The following FRY variants were observed in gnomAD, a reference collection of about 807,000 sequenced individuals.
FRY encodes protein furry homolog.
A neutral mutation model predicts 348.4 loss-of-function variants in FRY; 128 were observed. The observed-to-expected ratio is 0.37, with a 90% CI of 0.32 to 0.43. The LOEUF (loss-of-function observed/expected upper bound fraction) is 0.43. FRY is among the 20% of genes least tolerant of loss of function. The probability of loss-of-function intolerance (pLI) is 1.00; values close to 1 mark genes in which losing one functional copy is unlikely to be tolerated. For synonymous variants in FRY, 1,370 were observed against 1,374.7 expected (o/e 1.00, Z 0.08); for missense variants, 2,736 against 3,695.2 (o/e 0.74, Z 6.73).
At chr13:32,161,606 A>G (rs1367792372) in intron 17 of FRY, among the ~76,000 whole-genome samples, 1 of 152,156 alleles carries the variant, frequency 6.6e-6, no homozygotes, top group Non-Finnish European at 1.5e-5. Context: ...TCTCGAAGGG[A>G]AGGTAGAGTT....
intron 1 of FRY, among the ~76,000 whole-genome samples, chr13:32,038,830 G>A (rs1364886747): frequency 6.6e-6 from 1 of 152,170 alleles, no homozygotes; most frequent in Non-Finnish European, 1.5e-5. Context: ...AACAGTGTCA[G>A]AGAAGCAAGG....
intron 48 of FRY, among the ~76,000 whole-genome samples, chr13:32,247,768 C>T (rs765842000): frequency 2.6e-5 from 4 of 152,156 alleles, no homozygotes; most frequent in Non-Finnish European, 5.9e-5. Flanking sequence ...ATGGAACGAT[C>T]ATAAGCATTT....
At chr13:32,051,655 GCTTTT>G (rs1873337677) in intron 1 of FRY, among the ~76,000 whole-genome samples, 1 of 152,188 alleles carries the variant, frequency 6.6e-6, no homozygotes, top group Admixed American at 6.5e-5. Flanking sequence ...AATTTTACCA[GCTTTT>G]CTTCTCACAT....
chr13:32,272,612 T>G (rs914439936), intron 55 of FRY, among the ~76,000 whole-genome samples: 2 of 152,212 alleles, frequency 1.3e-5, no homozygotes, highest in East Asian at 1.9e-4. Flanking sequence ...GAGCCATGTT[T>G]GTGCCACTGT....
chr13:32,131,953 C>A, intron 8 of FRY, 113 bp downstream of exon 8: 1 of 838,696 alleles, frequency 1.2e-6, no homozygotes, highest in East Asian at 2.4e-5. Context: ...GAGAAACATT[C>A]TACTGTCTAA....
chr13:32,089,973 G>C (rs1876154667), intron 2 of FRY, among the ~76,000 whole-genome samples: 1 of 152,244 alleles, frequency 6.6e-6, no homozygotes, highest in Non-Finnish European at 1.5e-5. Flanking sequence ...GCAAGTAGTT[G>C]AAGACATTTT....
chr13:32,165,721 C>T (rs1881696790), intron 17 of FRY, among the ~76,000 whole-genome samples: 3 of 152,138 alleles, frequency 2.0e-5, no homozygotes, highest in African/African-American at 7.2e-5. Flanking sequence ...TTGAAATCAC[C>T]CCTTTTCTTT....
intron 29 of FRY, among the ~76,000 whole-genome samples, chr13:32,200,793 C>T (rs773949682): frequency 6.6e-6 from 1 of 152,092 alleles, no homozygotes; most frequent in Non-Finnish European, 1.5e-5. Context: ...TGTTCCTCTC[C>T]CCCCATCCCA....
chr13:32,130,849 G>C (rs1365107582), intron 7 of FRY, among the ~76,000 whole-genome samples: 2 of 146,514 alleles, frequency 1.4e-5, no homozygotes, highest in African/African-American at 5.1e-5. Context: ...GAGTTTCGCT[G>C]TTGTTGCCCA....
intron 1 of FRY, among the ~76,000 whole-genome samples, chr13:32,038,990 A>G (rs1464262646): frequency 6.6e-6 from 1 of 152,196 alleles, no homozygotes; most frequent in Non-Finnish European, 1.5e-5. Flanking sequence ...ATTCAGTTAC[A>G]TTAATGCAGA....
chr13:32,039,285 G>A (rs1288582178), intron 1 of FRY, among the ~76,000 whole-genome samples: 2 of 152,166 alleles, frequency 1.3e-5, no homozygotes, highest in Non-Finnish European at 2.9e-5. Flanking sequence ...GGGGCAGCAA[G>A]CATTTCAGAC....
At chr13:32,251,782 T>C (rs2138510668) in intron 49 of FRY, 96 bp from the exon 50 acceptor site, 1 of 792,494 alleles carries the variant, frequency 1.3e-6, no homozygotes, top group African/African-American at 1.7e-5. Context: ...GTCTATACGT[T>C]AAGTGCTATT....
chr13:32,037,140 C>T lies in FRY; in HGVS notation c.70+5275C>T, dbSNP rs530257214. Among the ~76,000 whole-genome samples the T allele has an allele frequency of 9.9e-5, 15 of 151,902 alleles. No homozygotes were observed. In the East Asian group the frequency reaches 1.9e-3, roughly 20 times the overall value. ...ACCTTAAGTGTTCACAAGTCTTTTC[C>T]GTCTATTGCAAACAATACATAGACA... On this transcript the variant is annotated intron_variant, in intron 1 of 60. Coordinates refer to ENST00000542859, the MANE Select transcript of FRY (RefSeq NM_023037.3).
At chr13:32,156,601 C>CAAA (rs60522324) in intron 15 of FRY, among the ~76,000 whole-genome samples, 2 of 112,404 alleles carry the variant, frequency 1.8e-5, no homozygotes, top group Admixed American at 9.3e-5. Context: ...AGCTCCATCT[C>CAAA]AAAAAAAAAA....
At chr13:32,228,080 A>G (rs7331864) in intron 39 of FRY, among the ~76,000 whole-genome samples, 3,715 of 152,312 alleles carry the variant, frequency 0.024, 131 homozygotes, top group African/African-American at 0.084. Flanking sequence ...ACTAATACCC[A>G]GGAATAATTT....
chr13:32,179,093 A>G, intron 22 of FRY, 60 bp downstream of exon 22: 2 of 1,338,246 alleles, frequency 1.5e-6, no homozygotes, highest in Non-Finnish European at 1.1e-6. Context: ...TTGTTTGTCT[A>G]GAGTTCACAG....
At chr13:32,097,357 T>A (rs1277600302) in intron 2 of FRY, among the ~76,000 whole-genome samples, 1 of 141,174 alleles carries the variant, frequency 7.1e-6, no homozygotes, top group African/African-American at 2.6e-5. Context: ...CAGAACCTTT[T>A]TTTCCTTTTT....
intron 53 of FRY, among the ~76,000 whole-genome samples, chr13:32,265,098 G>GT (rs1332473597): frequency 6.6e-6 from 1 of 152,184 alleles, no homozygotes; most frequent in Non-Finnish European, 1.5e-5. Flanking sequence ...CCTTTCCCAC[G>GT]TGGAGCATTG....
chr13:32,037,206 A>G (rs994719973), intron 1 of FRY, among the ~76,000 whole-genome samples: 2 of 152,240 alleles, frequency 1.3e-5, no homozygotes, highest in Admixed American at 1.3e-4. Context: ...GTATATAGAC[A>G]TTCACAAAAT....
Sources: allele counts gnomAD v4.1 joint callset (sites outside exome capture counted in the v4.1 genomes callset), GRCh38; gene constraint gnomAD v4.1.1; transcripts MANE v1.5; gene names NCBI Gene and HGNC (gene_info 2026-07-23, HGNC 2026-07-21).